Variants in L3MBTL3 observed in about 807,000 individuals in gnomAD.
The protein encoded by L3MBTL3 is lethal(3)malignant brain tumor-like protein 3.
In L3MBTL3, 27 loss-of-function variants were observed where a neutral mutation model predicts 102.3. The ratio of observed to expected loss-of-function variants is 0.26; its 90% CI spans 0.19 to 0.36. The LOEUF is 0.36. L3MBTL3 is among the 10% of genes least tolerant of loss of function. L3MBTL3 has a pLI of 1.00. For synonymous variants in L3MBTL3, 340 were observed against 320.9 expected, an observed-to-expected ratio of 1.06 and a Z score of -0.64; for missense variants, 798 against 955.3, an observed-to-expected ratio of 0.84 and a Z score of 2.17.
chr6:130,066,765 A>G (rs565873136), intron 11 of L3MBTL3, among the ~76,000 whole-genome samples: 1 of 152,346 alleles, frequency 6.6e-6, no homozygotes, highest in East Asian at 1.9e-4. Flanking sequence ...GCAAATTTCT[A>G]TTATTAAATA....
intron 2 of L3MBTL3, among the ~76,000 whole-genome samples, chr6:130,024,587 A>G (rs1283047556): frequency 6.6e-6 from 1 of 152,190 alleles, no homozygotes; most frequent in Non-Finnish European, 1.5e-5. Context: ...TGCTGTTTAT[A>G]GTAGTGCAGT....
intron 2 of L3MBTL3, among the ~76,000 whole-genome samples, chr6:130,040,535 G>A (rs1205819007): frequency 1.3e-5 from 2 of 152,102 alleles, no homozygotes; most frequent in East Asian, 3.9e-4. Context: ...CACTGCCTTA[G>A]AAAAGTCTTT....
At position 130,095,175 on chromosome 6, in the gene L3MBTL3, G is replaced by T. The variant is rs549053851; in HGVS notation, c.1736+808G>T. ...ATAATGTTCTAACTACATAGTAACT[G>T]GATTGCCCACTAAGCAAAATGATTC... On this transcript the variant is annotated intron_variant, in intron 18 of 22. Transcript: ENST00000361794. Among the ~76,000 whole-genome samples the T allele has an allele frequency of 6.6e-4, 101 of 152,252 alleles. 1 individual carries two copies. Among genetic ancestry groups the T allele is most frequent in the Admixed American group, 1.9e-3 (29 of 15,296 alleles).
intron 2 of L3MBTL3, among the ~76,000 whole-genome samples, chr6:130,030,606 G>T (rs1330655384): frequency 6.9e-6 from 1 of 144,324 alleles, no homozygotes; most frequent in Non-Finnish European, 1.5e-5. Flanking sequence ...GGCGGAGCTT[G>T]CAGTGAGCCG....
At chr6:130,049,144 T>A in intron 3 of L3MBTL3, 138 bp from the exon 4 acceptor site, 1 of 600,278 alleles carries the variant, frequency 1.7e-6, no homozygotes, top group Non-Finnish European at 3.0e-6. Flanking sequence ...TGGTGGGAGG[T>A]GTATCAGGAT....
chr6:130,030,472 C>A (rs560955058), intron 2 of L3MBTL3, among the ~76,000 whole-genome samples: 4 of 151,848 alleles, frequency 2.6e-5, no homozygotes, highest in Admixed American at 2.6e-4. Flanking sequence ...ACCATCCTGG[C>A]TAACACAGTG....
chr6:130,100,174 A>T (rs1784596489), intron 18 of L3MBTL3, among the ~76,000 whole-genome samples: 1 of 152,186 alleles, frequency 6.6e-6, no homozygotes, highest in South Asian at 2.1e-4. Context: ...TAAATAGGTA[A>T]TGTAAACATT....
chr6:130,058,500 G>A (rs1313470782), intron 9 of L3MBTL3, among the ~76,000 whole-genome samples: 1 of 151,606 alleles, frequency 6.6e-6, no homozygotes, highest in African/African-American at 2.4e-5. Flanking sequence ...TAAAAATATA[G>A]CGGAGTGTGG....
chr6:130,058,327 T>C (rs1411953755), intron 9 of L3MBTL3, among the ~76,000 whole-genome samples: 3 of 152,122 alleles, frequency 2.0e-5, no homozygotes, highest in Non-Finnish European at 4.4e-5. Flanking sequence ...GCAGTTGATG[T>C]CCCTGGACTA....
chr6:130,066,317 T>C, intron 10 of L3MBTL3, 36 bp from the exon 11 acceptor site: 1 of 1,237,766 alleles, frequency 8.1e-7, no homozygotes. Context: ...TATTCTGAGT[T>C]AAAAAAAATA....
chr6:130,045,000 A>G (rs1780638554), intron 3 of L3MBTL3, among the ~76,000 whole-genome samples: 1 of 152,142 alleles, frequency 6.6e-6, no homozygotes, highest in African/African-American at 2.4e-5. Context: ...TATAGTCAGC[A>G]AATCTATAGA....
chr6:130,052,523 A>G (rs1206468112), intron 6 of L3MBTL3, among the ~76,000 whole-genome samples: 1 of 152,232 alleles, frequency 6.6e-6, no homozygotes, highest in African/African-American at 2.4e-5. Context: ...GAAAACAAAT[A>G]TCTCTAAATA....
Position 130,140,030 on chromosome 6 carries a change from AGGG to A in L3MBTL3, c.*281_*283del, listed in dbSNP as rs1362462174. Reference sequence around the variant, plus strand: ...TTTTTGAGTCTGGGGGGTGGGGGGAAGGGGGGCTTCATTAATTATTTATGGTAA... The same window carrying A: ...TTTTTGAGTCTGGGGGGTGGGGGGAAGGGCTTCATTAATTATTTATGGTAA... On this transcript the variant is annotated 3_prime_UTR_variant, in exon 23 of 23. Coordinates refer to ENST00000361794, the MANE Select transcript of L3MBTL3 (RefSeq NM_032438.4). The A allele has an allele frequency of 2.2e-5, 1 of 45,116 alleles. No homozygotes were observed. The highest frequency in any genetic ancestry group is 3.1e-4 in the Admixed American group (1 of 3,204). The allele number at this position is 45,116 out of a possible 1,614,324, so 2.8% of individuals were successfully genotyped here.
chr6:130,065,362 A>G (rs892752481), intron 10 of L3MBTL3, among the ~76,000 whole-genome samples: 6 of 152,226 alleles, frequency 3.9e-5, no homozygotes, highest in African/African-American at 1.2e-4. Context: ...CATAATACAC[A>G]TATGTATACA....
intron 5 of L3MBTL3, among the ~76,000 whole-genome samples, chr6:130,050,380 G>A (rs1002215146): frequency 1.1e-3 from 175 of 152,182 alleles, no homozygotes; most frequent in Non-Finnish European, 2.6e-4. Context: ...ACATCATGTG[G>A]TTTCATGCTT....
intron 20 of L3MBTL3, among the ~76,000 whole-genome samples, chr6:130,132,409 G>A (rs143508142): frequency 0.011 from 1,656 of 152,284 alleles, 32 homozygotes; most frequent in African/African-American, 0.038. Flanking sequence ...GGTTACATGG[G>A]TGTGTTCACT....
intron 3 of L3MBTL3, among the ~76,000 whole-genome samples, chr6:130,047,254 A>G (rs1423836126): frequency 1.3e-5 from 2 of 152,194 alleles, no homozygotes; most frequent in Non-Finnish European, 2.9e-5. Context: ...ACAAGAGTGA[A>G]CTGTGCCCCG....
rs76588578 is a variant in L3MBTL3 at position 130,113,313 on chromosome 6, T to C, written c.1887-7566T>C. Among the ~76,000 whole-genome samples, 788 of 152,306 alleles carry C rather than the reference T, an allele frequency of 5.2e-3. 5 individuals carry two copies. The highest frequency in any genetic ancestry group is 0.017 in the African/African-American group (724 of 41,564). The stretch of plus-strand genomic sequence containing the variant: ...GTGACAGATGCAAGTAGTCTATAAA[T>C]CAGGCTTTGGGAATCACTACTGAAT... On this transcript the variant is annotated intron_variant, in intron 19 of 22. Coordinates refer to ENST00000361794, the MANE Select transcript of L3MBTL3 (RefSeq NM_032438.4).
intron 19 of L3MBTL3, among the ~76,000 whole-genome samples, chr6:130,117,856 C>T (rs188826488): frequency 4.5e-4 from 65 of 145,090 alleles, no homozygotes; most frequent in South Asian, 1.8e-3. Context: ...CATGCCAGCA[C>T]GCCTGACTTT....
Sources: gnomAD v4.1 joint callset for allele counts (sites outside exome capture counted in the v4.1 genomes callset) on GRCh38, gnomAD v4.1.1 for gene constraint, MANE v1.5 for transcripts, NCBI Gene and HGNC (gene_info 2026-07-23, HGNC 2026-07-21) for gene names.